FHIT: variants seen among roughly 807,000 people sequenced by gnomAD.
FHIT encodes fragile histidine triad diadenosine triphosphatase, also known as bis(5'-adenosyl)-triphosphatase.
A neutral mutation model predicts 17.9 loss-of-function variants in FHIT; 19 were observed. The observed-to-expected ratio is 1.06, with a 90% confidence interval of 0.74 to 1.56. The LOEUF (loss-of-function observed/expected upper bound fraction) is 1.56. FHIT is among the 40% of genes most tolerant of loss of function. The pLI is 0.00. For missense variants in FHIT, 248 were observed against 189.2 expected (o/e 1.31, Z -1.82); for synonymous variants, 81 against 69.7 (o/e 1.16, Z -0.81).
At chr3:59,892,462 T>C (rs1703895416) in intron 8 of FHIT, among the ~76,000 whole-genome samples, 1 of 152,248 alleles carries the variant, frequency 6.6e-6, no homozygotes, top group African/African-American at 2.4e-5. Context: ...TAAATTATTT[T>C]GGTCATTAAC....
At chr3:60,592,211 CCT>C (rs1339077927) in intron 4 of FHIT, among the ~76,000 whole-genome samples, 12 of 144,030 alleles carry the variant, frequency 8.3e-5, no homozygotes, top group Non-Finnish European at 6.0e-5. Context: ...CTATATGTAA[CCT>C]CTATATATAT....
At chr3:60,509,058 G>T (rs1479037351) in intron 5 of FHIT, among the ~76,000 whole-genome samples, 1 of 151,950 alleles carries the variant, frequency 6.6e-6, no homozygotes, top group East Asian at 1.9e-4. Flanking sequence ...AATTCTTTTG[G>T]GGTACCTGCA....
intron 4 of FHIT, among the ~76,000 whole-genome samples, chr3:60,689,774 C>T (rs565702049): frequency 6.6e-6 from 1 of 152,138 alleles, no homozygotes; most frequent in East Asian, 1.9e-4. Context: ...ATTTCTGGAC[C>T]TTGTAAATAT....
chr3:59,966,686 T>C (rs1257168682), intron 7 of FHIT, among the ~76,000 whole-genome samples: 1 of 152,142 alleles, frequency 6.6e-6, no homozygotes, highest in African/African-American at 2.4e-5. Flanking sequence ...AGATAAGAAA[T>C]ATGGTATTCC....
At chr3:59,771,358 A>C (rs1702064530) in intron 8 of FHIT, among the ~76,000 whole-genome samples, 1 of 152,226 alleles carries the variant, frequency 6.6e-6, no homozygotes, top group South Asian at 2.1e-4. Context: ...CCAGGAGGAA[A>C]AGCATGGGAA....
chr3:60,334,290 C>A (rs1345624903), intron 5 of FHIT, among the ~76,000 whole-genome samples: 1 of 152,192 alleles, frequency 6.6e-6, no homozygotes, highest in African/African-American at 2.4e-5. Context: ...CCAACAGTTA[C>A]TGAGTCCCCA....
chr3:60,003,831 A>G (rs1166807002), intron 7 of FHIT, among the ~76,000 whole-genome samples: 4 of 151,332 alleles, frequency 2.6e-5, no homozygotes, highest in Admixed American at 6.6e-5. Context: ...TCTTTCTCAC[A>G]TGATTAATTG....
intron 5 of FHIT, among the ~76,000 whole-genome samples, chr3:60,124,948 A>G (rs1487864146): frequency 6.6e-6 from 1 of 152,170 alleles, no homozygotes; most frequent in African/African-American, 2.4e-5. Context: ...CACATATTAG[A>G]TCTGATGGGG....
At chr3:60,786,868 T>G (rs1181958843) in intron 4 of FHIT, among the ~76,000 whole-genome samples, 7 of 151,824 alleles carry the variant, frequency 4.6e-5, no homozygotes, top group African/African-American at 1.5e-4. Context: ...TATGACTAAA[T>G]CTGAGTATAT....
intron 5 of FHIT, among the ~76,000 whole-genome samples, chr3:60,302,670 C>T (rs1401667684): frequency 6.6e-6 from 1 of 152,150 alleles, no homozygotes; most frequent in African/African-American, 2.4e-5. Flanking sequence ...TCGTATTCCC[C>T]AGTCTTCCAA....
intron 1 of FHIT, among the ~76,000 whole-genome samples, chr3:61,203,279 G>A (rs1479579652): frequency 6.6e-6 from 1 of 151,728 alleles, no homozygotes; most frequent in Non-Finnish European, 1.5e-5. Context: ...AACCCAGGAG[G>A]CAGAGGTTGC....
chr3:59,799,392 C>T (rs999737021), intron 8 of FHIT, among the ~76,000 whole-genome samples: 5 of 147,748 alleles, frequency 3.4e-5, no homozygotes, highest in African/African-American at 7.4e-5. Flanking sequence ...CCTTAGGGCA[C>T]GGACGTTTGG....
chr3:59,864,843 A>C (rs928950359), intron 8 of FHIT, among the ~76,000 whole-genome samples: 1 of 152,056 alleles, frequency 6.6e-6, no homozygotes, highest in Non-Finnish European at 1.5e-5. Context: ...AAAAAAAAAA[A>C]AACATTTTGC....
intron 1 of FHIT, among the ~76,000 whole-genome samples, chr3:61,235,767 C>T (rs533393651): frequency 2.0e-4 from 31 of 152,114 alleles, no homozygotes; most frequent in Non-Finnish European, 4.0e-4. Flanking sequence ...GTATCATTTA[C>T]TTAGCGTTCC....
chr3:60,140,783 G>C (rs1012153180), intron 5 of FHIT, among the ~76,000 whole-genome samples: 8 of 152,096 alleles, frequency 5.3e-5, no homozygotes, highest in Admixed American at 3.9e-4. Context: ...TCTCCATGTT[G>C]ATCAGGCTGG....
intron 5 of FHIT, among the ~76,000 whole-genome samples, chr3:60,076,872 G>A (rs17325451): frequency 0.51 from 74,395 of 146,630 alleles, 19,601 homozygotes; most frequent in Middle Eastern, 0.65. Context: ...ACCAAAGTGA[G>A]ACACGACTGA....
intron 5 of FHIT, among the ~76,000 whole-genome samples, chr3:60,234,251 A>G (rs1030016075): frequency 3.9e-5 from 6 of 152,210 alleles, no homozygotes; most frequent in Non-Finnish European, 8.8e-5. Flanking sequence ...TTGGAAAGTG[A>G]AATTATCCTT....
At chr3:60,736,557 T>G (rs2042137083) in intron 4 of FHIT, among the ~76,000 whole-genome samples, 1 of 152,216 alleles carries the variant, frequency 6.6e-6, no homozygotes, top group Non-Finnish European at 1.5e-5. Flanking sequence ...CCACATATCA[T>G]ATGATTCCAT....
At chr3:59,866,696 G>A (rs1702667393) in intron 8 of FHIT, among the ~76,000 whole-genome samples, 1 of 152,182 alleles carries the variant, frequency 6.6e-6, no homozygotes. Context: ...ATTTGAGAAG[G>A]GGAGGGTGGA....
Sources: allele counts gnomAD v4.1 joint callset (sites outside exome capture counted in the v4.1 genomes callset), GRCh38; gene constraint gnomAD v4.1.1; transcripts MANE v1.5; gene names NCBI Gene and HGNC (gene_info 2026-07-23, HGNC 2026-07-21).